The following DBNDD1 variants were observed in gnomAD, a reference collection of about 807,000 sequenced individuals.
DBNDD1 encodes the protein dysbindin domain-containing protein 1.
A neutral mutation model predicts 17.0 loss-of-function variants in DBNDD1; 14 were observed. The observed-to-expected ratio is 0.82, with a 90% CI of 0.54 to 1.29. The LOEUF is 1.29. Among genes scored for constraint, DBNDD1 ranks in the 50% most tolerant of loss-of-function variants. The pLI, the probability that DBNDD1 is intolerant of heterozygous loss-of-function variation, is 0.00. For synonymous variants in DBNDD1, 105 were observed against 102.0 expected, an observed-to-expected ratio of 1.03 and a Z score of -0.18; for missense variants, 221 against 216.2, an observed-to-expected ratio of 1.02 and a Z score of -0.14.
Position 90,006,247 on chromosome 16 carries a change from T to G in DBNDD1, c.*88A>C. 6.8e-7 allele frequency: 1 copy of G among 1,470,046 alleles called. No homozygotes were observed. Among genetic ancestry groups the G allele is most frequent in the Non-Finnish European group, 9.1e-7 (1 of 1,100,176 alleles). 91.1% of individuals were successfully genotyped at this position (1,470,046 alleles called of 1,614,324 possible). On this transcript the variant is annotated 3_prime_UTR_variant, in exon 4 of 4. Coordinates refer to ENST00000002501, the MANE Select transcript of DBNDD1 (RefSeq NM_001042610.3). ...TGACGGCTGGAGCCTCGTGGGCGGG[T>G]GAAGTGTGTCTGCTGGGTCAGCACT...
intron 3 of DBNDD1, among the ~76,000 whole-genome samples, chr16:90,007,999 G>A (rs2035465576): frequency 6.7e-6 from 1 of 149,300 alleles, no homozygotes; most frequent in Non-Finnish European, 1.5e-5. Context: ...ACGTCCCAAG[G>A]GGCCTCACCC....
At chr16:90,019,802 C>A (rs1235199355), upstream of DBNDD1, 7 of 687,890 alleles carry the variant, frequency 1.0e-5, no homozygotes, top group Non-Finnish European at 1.8e-5. The surrounding 1 kb of genome is among the most constrained non-coding windows in gnomAD (Gnocchi z 6.1). Flanking sequence ...TGTGTGCGGG[C>A]GCCCCTCGGG....
chr16:90,016,179 C>G (rs1161747991), intron 1 of DBNDD1, among the ~76,000 whole-genome samples: 1 of 151,674 alleles, frequency 6.6e-6, no homozygotes, highest in Non-Finnish European at 1.5e-5. Flanking sequence ...AGCATCAGCT[C>G]TAAGCGGCTT....
upstream of DBNDD1, chr16:90,019,546 C>G (rs545538239): frequency 0.017 from 2,722 of 160,588 alleles, 96 homozygotes; most frequent in African/African-American, 0.063. The surrounding 1 kb of genome is among the most constrained non-coding windows in gnomAD (Gnocchi z 6.1). Flanking sequence ...CCGGCGCCCC[C>G]CCAGCCGCAG....
chr16:90,009,968 G>C (rs984217429), intron 1 of DBNDD1: 1 of 1,613,916 alleles, frequency 6.2e-7, no homozygotes, highest in Non-Finnish European at 8.5e-7. Context: ...AGGAGGAATA[G>C]GCAGGCCTGC....
At chr16:90,007,061 A>G (rs2035441684) in intron 3 of DBNDD1, 1 of 154,188 alleles carries the variant, frequency 6.5e-6, no homozygotes, top group South Asian at 2.0e-4. Context: ...CCCAGCCACA[A>G]CAGCCATGCC....
chr16:90,006,309 C>CAGG lies in DBNDD1; in HGVS notation c.*23_*25dup, dbSNP rs757451089. The CAGG allele has an allele frequency of 3.8e-6, 6 of 1,588,886 alleles. No individual in the cohort carries two copies. The South Asian group carries it at 6.8e-5, about 18-fold the overall frequency. ...CCATCGTGTTCGGACCCCATCCCTG[C>CAGG]AGGAGCTGGGGCAGGTGGAGATGGT... is the stretch of plus-strand genomic sequence containing the variant. On this transcript the variant is annotated 3_prime_UTR_variant, in exon 4 of 4. Transcript: ENST00000002501.
At chr16:90,014,779 C>T (rs979666628) in intron 1 of DBNDD1, among the ~76,000 whole-genome samples, 6 of 151,954 alleles carry the variant, frequency 3.9e-5, no homozygotes, top group East Asian at 1.9e-4. Context: ...CCAAGGCGGG[C>T]GGATCACTTG....
intron 1 of DBNDD1, among the ~76,000 whole-genome samples, chr16:90,013,326 G>A (rs908367347): frequency 1.4e-5 from 2 of 143,110 alleles, no homozygotes; most frequent in African/African-American, 2.6e-5. Context: ...AGCATTCTGT[G>A]TTTATTGACT....
rs1477760837 is a variant in DBNDD1 at position 90,009,265 on chromosome 16, G to C, written c.178+19C>G. The C allele has an allele frequency of 3.1e-6, 5 of 1,611,902 alleles. No individual in the cohort carries two copies. The highest frequency in any genetic ancestry group is 4.2e-6 in the Non-Finnish European group (5 of 1,179,672). ...CACGGGGTCCCCATAGCGTGCGCTG[G>C]GCAGGGAGCAGTACTTACGCCTCCT... On this transcript the variant is annotated intron_variant, in intron 2 of 3. Transcript: ENST00000002501.
chr16:90,008,776 G>T lies in DBNDD1; in HGVS notation c.319+8C>A. The stretch of plus-strand genomic sequence containing the variant: ...CACCTCCCAGCCCAGCCCTGATGCC[G>T]GCCTCACCTGCTGGGGACTCGGTGT... On this transcript the variant is annotated splice_region_variant and intron_variant, in intron 3 of 3. Transcript: ENST00000002501. The T allele has an allele frequency of 6.3e-7, 1 of 1,589,252 alleles. No homozygotes were observed. Among genetic ancestry groups the T allele is most frequent in the Non-Finnish European group, 8.6e-7 (1 of 1,163,944 alleles).
chr16:90,012,584 C>T (rs527745537), intron 1 of DBNDD1, among the ~76,000 whole-genome samples: 85 of 151,554 alleles, frequency 5.6e-4, no homozygotes, highest in African/African-American at 1.9e-3. Flanking sequence ...GTCAGCCTTC[C>T]GAGTAGCTGG....
chr16:90,017,233 C>T (rs575013968), intron 1 of DBNDD1, among the ~76,000 whole-genome samples: 9 of 152,360 alleles, frequency 5.9e-5, no homozygotes, highest in South Asian at 2.1e-4. Flanking sequence ...TGGTGGCTGA[C>T]GCCTGTAATC....
At chr16:90,009,147 C>G (rs1270116339) in intron 2 of DBNDD1, 137 bp downstream of exon 2, 1 of 1,351,984 alleles carries the variant, frequency 7.4e-7, no homozygotes. Context: ...AGAACCAGAG[C>G]TGCAAGAGCC....
intron 3 of DBNDD1, among the ~76,000 whole-genome samples, chr16:90,008,064 C>T: frequency 7.2e-6 from 1 of 138,248 alleles, no homozygotes; most frequent in African/African-American, 2.7e-5. Context: ...ACACACACCT[C>T]CCAGGACGTC....
At chr16:90,012,798 T>A (rs1409217376) in intron 1 of DBNDD1, among the ~76,000 whole-genome samples, 1 of 152,148 alleles carries the variant, frequency 6.6e-6, no homozygotes, top group African/African-American at 2.4e-5. Flanking sequence ...TTGCCCAGGC[T>A]GGAGTGCAGT....
intron 1 of DBNDD1, chr16:90,011,629 C>G (rs1335088103): frequency 4.4e-6 from 2 of 454,578 alleles, no homozygotes; most frequent in South Asian, 1.6e-5. Flanking sequence ...TGGCCCGTTT[C>G]AGGCCTGGGG....
chr16:90,010,009 C>T (rs548414206), intron 1 of DBNDD1: 1 of 1,614,188 alleles, frequency 6.2e-7, no homozygotes, highest in South Asian at 1.1e-5. Flanking sequence ...ACCAACCATG[C>T]CTCACAGTTG....
upstream of DBNDD1, chr16:90,019,684 C>T: frequency 1.8e-6 from 1 of 552,272 alleles, no homozygotes; most frequent in Admixed American, 3.9e-5. The surrounding 1 kb of genome is among the most constrained non-coding windows in gnomAD (Gnocchi z 6.1). Context: ...CCTGGCTGCG[C>T]CCTCCCGACC....
Sources: allele counts gnomAD v4.1 joint callset (sites outside exome capture counted in the v4.1 genomes callset), GRCh38; gene constraint gnomAD v4.1.1; non-coding constraint Gnocchi (gnomAD v3.1); transcripts MANE v1.5; gene names NCBI Gene and HGNC (gene_info 2026-07-23, HGNC 2026-07-21).